EHBP1: variants seen among roughly 807,000 people sequenced by gnomAD.
The protein encoded by EHBP1 is EH domain-binding protein 1.
A neutral mutation model predicts 144.0 loss-of-function variants in EHBP1; 55 were observed. That is an observed-to-expected ratio of 0.38 (90% confidence interval 0.31 to 0.48). The LOEUF (loss-of-function observed/expected upper bound fraction) is 0.48. EHBP1 is among the 20% of genes least tolerant of loss of function. The pLI is 0.98. For synonymous variants in EHBP1, 469 were observed against 472.7 expected (o/e 0.99, Z 0.10); for missense variants, 1,200 against 1,364.2 (o/e 0.88, Z 1.90).
At chr2:62,951,180 A>G (rs1218168804) in intron 13 of EHBP1, among the ~76,000 whole-genome samples, 17 of 152,214 alleles carry the variant, frequency 1.1e-4, no homozygotes, top group Non-Finnish European at 4.4e-5. Context: ...AGGAATTGCC[A>G]TCATGCCAAC....
intron 8 of EHBP1, among the ~76,000 whole-genome samples, chr2:62,863,576 A>G (rs543694165): frequency 2.6e-5 from 4 of 152,236 alleles, no homozygotes; most frequent in African/African-American, 9.6e-5. Flanking sequence ...TTATGTTATT[A>G]TTGATTGAAG....
chr2:62,730,877 G>C, intron 2 of EHBP1, among the ~76,000 whole-genome samples: 1 of 139,868 alleles, frequency 7.1e-6, no homozygotes, highest in Non-Finnish European at 1.6e-5. Flanking sequence ...CAGGCAGGCA[G>C]AGAAAGAGTA....
At chr2:62,758,154 G>C (rs1558621273) in intron 3 of EHBP1, among the ~76,000 whole-genome samples, 1 of 152,174 alleles carries the variant, frequency 6.6e-6, no homozygotes, top group Non-Finnish European at 1.5e-5. Context: ...TGTTGCCCAG[G>C]CTGGAGTGCA....
chr2:62,976,347 T>C (rs1038226791), intron 14 of EHBP1, among the ~76,000 whole-genome samples: 1 of 152,216 alleles, frequency 6.6e-6, no homozygotes, highest in African/African-American at 2.4e-5. Flanking sequence ...TTGCCTGGGC[T>C]TGAGTTCTAC....
chr2:62,692,537 C>A (rs575363344), intron 1 of EHBP1, among the ~76,000 whole-genome samples: 34 of 152,270 alleles, frequency 2.2e-4, no homozygotes, highest in Admixed American at 6.5e-4. Context: ...CTCATCAACC[C>A]TTGTTATTGT....
chr2:62,849,575 G>A (rs1353434593), intron 7 of EHBP1, among the ~76,000 whole-genome samples: 1 of 152,066 alleles, frequency 6.6e-6, no homozygotes, highest in African/African-American at 2.4e-5. Context: ...ATAGATACAT[G>A]CATACATGCA....
At chr2:63,040,483 A>G (rs2061613121) in intron 21 of EHBP1, among the ~76,000 whole-genome samples, 1 of 152,168 alleles carries the variant, frequency 6.6e-6, no homozygotes, top group African/African-American at 2.4e-5. Flanking sequence ...AAATAATCGA[A>G]TATTTTATCT....
intron 10 of EHBP1, among the ~76,000 whole-genome samples, chr2:62,895,970 T>C (rs1231170651): frequency 6.6e-6 from 1 of 152,192 alleles, no homozygotes; most frequent in Non-Finnish European, 1.5e-5. Context: ...AATTTAATGT[T>C]AGGTGTTTTC....
At position 63,023,136 on chromosome 2, in the gene EHBP1, C is replaced by G. The variant is rs2060828644; in HGVS notation, c.3104-14399C>G. Among the ~76,000 whole-genome samples, 4 of 152,272 alleles carry G rather than the reference C, an allele frequency of 2.6e-5. No homozygotes were observed. In the South Asian group the frequency reaches 8.3e-4, roughly 32 times the overall value. On this transcript the variant is annotated intron_variant, in intron 19 of 22. Coordinates refer to ENST00000431489, the MANE Select transcript of EHBP1 (RefSeq NM_001142616.3). ...GTTGCAGTGAGCCGAGATGACACCA[C>G]TGCACTCCAGCCTGGACAACATAGC...
intron 15 of EHBP1, among the ~76,000 whole-genome samples, chr2:62,981,575 G>A (rs2058972725): frequency 6.6e-6 from 1 of 152,196 alleles, no homozygotes; most frequent in African/African-American, 2.4e-5. Context: ...CAGCTATACA[G>A]TTGGTCCTAT....
chr2:63,000,790 A>G (rs1481085984), intron 19 of EHBP1, among the ~76,000 whole-genome samples: 1 of 152,000 alleles, frequency 6.6e-6, no homozygotes, highest in Non-Finnish European at 1.5e-5. Flanking sequence ...TGCAAATACA[A>G]GTGAATTTTT....
At chr2:62,917,575 C>G (rs1392907618) in intron 10 of EHBP1, among the ~76,000 whole-genome samples, 1 of 152,138 alleles carries the variant, frequency 6.6e-6, no homozygotes, top group East Asian at 1.9e-4. Context: ...AATCCCAATG[C>G]TGAGTCCTTT....
At chr2:62,673,966 T>C (rs1558500630) in exon 1 of EHBP1, 2 of 465,604 alleles carry the variant, frequency 4.3e-6, no homozygotes, top group Non-Finnish European at 8.9e-6. Context: ...GGTTGCTTGC[T>C]AGGACACAAG....
At position 62,724,923 on chromosome 2, in the gene EHBP1, T is replaced by C. The variant is rs372179146; in HGVS notation, c.104+17628T>C. 1.2e-4 allele frequency among the ~76,000 whole-genome samples: 19 copies of C among 152,312 alleles called. No homozygotes were observed. In the East Asian group the frequency reaches 3.7e-3, roughly 29 times the overall value. On this transcript the variant is annotated intron_variant, in intron 2 of 22. Transcript: ENST00000431489. ...TGAGAATCTAATGCCTTCTCTCAAC[T>C]TGTGTAGAAAAATTGTCTTCCATGA...
At chr2:62,927,531 A>G (rs1186708659) in intron 10 of EHBP1, among the ~76,000 whole-genome samples, 1 of 152,194 alleles carries the variant, frequency 6.6e-6, no homozygotes, top group Non-Finnish European at 1.5e-5. Flanking sequence ...AGGACATTAT[A>G]TATTAAGAAA....
intron 7 of EHBP1, among the ~76,000 whole-genome samples, chr2:62,856,129 C>T (rs1353258427): frequency 2.0e-5 from 3 of 152,226 alleles, no homozygotes; most frequent in African/African-American, 7.2e-5. Context: ...CCTCATTCTT[C>T]CTGGTTGTAG....
At chr2:62,900,177 C>T (rs1387335785) in intron 10 of EHBP1, among the ~76,000 whole-genome samples, 1 of 152,092 alleles carries the variant, frequency 6.6e-6, no homozygotes, top group Non-Finnish European at 1.5e-5. Flanking sequence ...ATCATGGTCT[C>T]ATTAGTCACT....
At chr2:62,846,602 T>A (rs929314798) in intron 7 of EHBP1, among the ~76,000 whole-genome samples, 1 of 152,178 alleles carries the variant, frequency 6.6e-6, no homozygotes, top group African/African-American at 2.4e-5. Flanking sequence ...TGTTTGCTCT[T>A]ACCATTCAAC....
chr2:62,930,287 A>G (rs1384703157), intron 10 of EHBP1, among the ~76,000 whole-genome samples: 2 of 152,172 alleles, frequency 1.3e-5, no homozygotes, highest in Admixed American at 6.6e-5. Flanking sequence ...AGTAGCATCA[A>G]AAAGAATTAA....
Sources: allele counts gnomAD v4.1 joint callset (sites outside exome capture counted in the v4.1 genomes callset), GRCh38; gene constraint gnomAD v4.1.1; transcripts MANE v1.5; gene names NCBI Gene and HGNC (gene_info 2026-07-23, HGNC 2026-07-21).